The following MRC1 variants were observed in gnomAD, a reference collection of about 807,000 sequenced individuals.
MRC1 encodes the protein mannose receptor C-type 1, also known as macrophage mannose receptor 1.
In MRC1, 62 loss-of-function variants were observed where a neutral mutation model predicts 102.9. The ratio of observed to expected loss-of-function variants is 0.60; its 90% CI spans 0.49 to 0.74. The LOEUF (loss-of-function observed/expected upper bound fraction) is 0.74, where lower values mean the gene tolerates loss of function less well. Ranked by LOEUF, MRC1 falls within the 30% of genes least tolerant of loss-of-function variation. The probability of loss-of-function intolerance (pLI) is 0.00; values close to 1 mark genes in which losing one functional copy is unlikely to be tolerated. For missense variants in MRC1, 1,237 were observed against 862.8 expected (o/e 1.43, Z -5.43); for synonymous variants, 457 against 298.4 (o/e 1.53, Z -5.48).
chr10:17,813,478 A>G lies in MRC1; in HGVS notation c.61+3952A>G, dbSNP rs1346180246. ...TATAAATGTATGTCTTATGGTAAAT[A>G]TTGATTCTTCAGTGTATTTTTTCAC... On this transcript the variant is annotated intron_variant, in intron 1 of 29. Coordinates refer to ENST00000569591, the MANE Select transcript of MRC1 (RefSeq NM_002438.4). 2.6e-5 allele frequency among the ~76,000 whole-genome samples: 4 copies of G among 151,998 alleles called. No homozygotes were observed. In the East Asian group the frequency reaches 7.7e-4, roughly 29 times the overall value.
chr10:17,876,206 ATTG>A (rs1291310593), intron 17 of MRC1, among the ~76,000 whole-genome samples: 6 of 150,782 alleles, frequency 4.0e-5, no homozygotes, highest in African/African-American at 1.5e-4. Flanking sequence ...GTTATGCCCT[ATTG>A]TTTAAATATT....
chr10:17,833,561 G>GGAAA, intron 3 of MRC1, 114 bp from the exon 4 acceptor site: 1 of 719,326 alleles, frequency 1.4e-6, no homozygotes, highest in South Asian at 1.6e-5. Flanking sequence ...AAAAAAGAAA[G>GGAAA]GAAAGAAAGA....
intron 3 of MRC1, among the ~76,000 whole-genome samples, chr10:17,830,203 C>A (rs1838547742): frequency 6.6e-6 from 1 of 151,262 alleles, no homozygotes; most frequent in Non-Finnish European, 1.5e-5. Context: ...ATGATCTTGG[C>A]TCACCACAAC....
Position 17,845,404 on chromosome 10 carries a change from C to A in MRC1, c.1032C>A (p.Asn344Lys). Residue 344 changes from asparagine (N) to lysine (K), a missense_variant, in exon 6 of 30, where the codon AAC becomes AAA. Asn to Lys is a moderately conservative substitution (Grantham distance 94, BLOSUM62 0). Coordinates refer to ENST00000569591, the MANE Select transcript of MRC1 (RefSeq NM_002438.4). ...QKLGYICKKG[N>K]TTLNSFVIPS... The stretch of plus-strand genomic sequence containing the variant: ...TGGGCTATATTTGCAAAAAGGGCAA[C>A]ACCACTTTAAATTCTTTTGTTATTC... The A allele has an allele frequency of 3.8e-6, 3 of 780,840 alleles. No individual in the cohort carries two copies. In the South Asian group the frequency reaches 4.0e-5, roughly 10 times the overall value. 48.4% of individuals were successfully genotyped at this position (780,840 alleles called of 1,614,324 possible).
At chr10:17,860,626 T>C (rs1169627689) in intron 9 of MRC1, among the ~76,000 whole-genome samples, 2 of 152,162 alleles carry the variant, frequency 1.3e-5, no homozygotes, top group Non-Finnish European at 2.9e-5. Context: ...TGCTGAATCA[T>C]ACTGCCTGAA....
At chr10:17,871,454 G>A (rs909322136) in intron 14 of MRC1, among the ~76,000 whole-genome samples, 1 of 152,270 alleles carries the variant, frequency 6.6e-6, no homozygotes, top group Admixed American at 6.5e-5. Flanking sequence ...CTCCATAGAG[G>A]ACCTAGACCC....
Position 17,910,616 on chromosome 10 carries a change from T to C in MRC1, c.*151T>C. ...TTTGCCTAATTGAAGAAATAATTGC[T>C]TGTTTTCTAGCCTGGCAAGATATTT... On this transcript the variant is annotated 3_prime_UTR_variant, in exon 30 of 30. Coordinates refer to ENST00000569591, the MANE Select transcript of MRC1 (RefSeq NM_002438.4). 2.8e-6 allele frequency: 2 copies of C among 705,498 alleles called. No individual in the cohort carries two copies. Among genetic ancestry groups the C allele is most frequent in the Admixed American group, 2.1e-5 (1 of 46,924 alleles). 43.7% of individuals were successfully genotyped at this position (705,498 alleles called of 1,614,324 possible).
intron 1 of MRC1, among the ~76,000 whole-genome samples, chr10:17,810,755 A>G (rs1838208676): frequency 6.6e-6 from 1 of 152,222 alleles, no homozygotes; most frequent in South Asian, 2.1e-4. Flanking sequence ...GCAGAAAAGA[A>G]GTACATAAAA....
intron 9 of MRC1, among the ~76,000 whole-genome samples, chr10:17,860,186 A>T (rs1397250782): frequency 6.6e-6 from 1 of 152,108 alleles, no homozygotes; most frequent in East Asian, 1.9e-4. Context: ...ATTCTACTAA[A>T]TTCGGGTACC....
intron 26 of MRC1, 121 bp from the exon 27 acceptor site, chr10:17,906,765 C>A (rs1833901384): frequency 1.3e-6 from 1 of 754,142 alleles, no homozygotes; most frequent in South Asian, 1.4e-5. Context: ...CTTTGAAATT[C>A]TTCCCCTTAA....
intron 10 of MRC1, among the ~76,000 whole-genome samples, chr10:17,862,461 T>C (rs927469976): frequency 5.3e-5 from 8 of 152,198 alleles, no homozygotes; most frequent in Non-Finnish European, 8.8e-5. Flanking sequence ...GCACTATAAT[T>C]GATCTTTTGG....
At chr10:17,831,977 C>G (rs1380438163) in intron 3 of MRC1, among the ~76,000 whole-genome samples, 1 of 151,604 alleles carries the variant, frequency 6.6e-6, no homozygotes, top group Non-Finnish European at 1.5e-5. Context: ...AAGTTACAAG[C>G]AACATTTGCT....
intron 24 of MRC1, among the ~76,000 whole-genome samples, chr10:17,899,369 G>A (rs976016998): frequency 2.4e-4 from 37 of 152,122 alleles, no homozygotes; most frequent in Non-Finnish European, 4.1e-4. Context: ...ACATGTTCAC[G>A]ATTCTCTTAT....
At chr10:17,899,925 C>T (rs2130716353) in intron 24 of MRC1, among the ~76,000 whole-genome samples, 1 of 151,800 alleles carries the variant, frequency 6.6e-6, no homozygotes, top group Middle Eastern at 3.4e-3. Flanking sequence ...ATGGTGAAAA[C>T]CCGTCTCTAC....
In MRC1 at chr10:17,821,419, C is replaced by T. The variant is rs1589164434; in HGVS notation, c.62-1655C>T. On this transcript the variant is annotated intron_variant, in intron 1 of 29. Transcript: ENST00000569591. Reference sequence around the variant, plus strand: ...ACCACCTTTACCCAAAAATATACTGCAGTGGTTAATTTTATGTGTCAACAT... The same window carrying T: ...ACCACCTTTACCCAAAAATATACTGTAGTGGTTAATTTTATGTGTCAACAT... Among the ~76,000 whole-genome samples the T allele has an allele frequency of 6.6e-5, 10 of 152,252 alleles. No individual in the cohort carries two copies. In the South Asian group the frequency reaches 1.9e-3, roughly 28 times the overall value.
At chr10:17,839,347 G>A (rs904787108) in intron 4 of MRC1, among the ~76,000 whole-genome samples, 14 of 152,096 alleles carry the variant, frequency 9.2e-5, no homozygotes, top group East Asian at 3.9e-4. Flanking sequence ...ACTTATTTTC[G>A]TAATTAAGTT....
intron 8 of MRC1, among the ~76,000 whole-genome samples, chr10:17,853,419 A>G (rs1833014890): frequency 6.6e-6 from 1 of 150,552 alleles, no homozygotes; most frequent in Non-Finnish European, 1.5e-5. Flanking sequence ...ACATGGCCAT[A>G]TATATAGTGC....
rs1465078104 is a variant in MRC1 at position 17,842,551 on chromosome 10, T to C, written c.916+1745T>C. Among the ~76,000 whole-genome samples the C allele has an allele frequency of 3.3e-5, 5 of 152,182 alleles. No individual in the cohort carries two copies. The East Asian group carries it at 9.6e-4, about 29-fold the overall frequency. On this transcript the variant is annotated intron_variant, in intron 5 of 29. Transcript: ENST00000569591. ...AAGACTTACTGCAAGGGAATACATA[T>C]AAAATATCCTTTTTTGTGCGTGAAA...
rs1047822963 is a variant in MRC1 at position 17,854,108 on chromosome 10, G to A, written c.1407+984G>A. ...TGTGACTAAAGGTGCGTGCCACCAC[G>A]CCTGGCTAATTTTTTGTATTTTTGG... is the stretch of plus-strand genomic sequence containing the variant. On this transcript the variant is annotated intron_variant, in intron 8 of 29. Transcript: ENST00000569591. 5.3e-5 allele frequency among the ~76,000 whole-genome samples: 8 copies of A among 152,216 alleles called. No individual in the cohort carries two copies. The East Asian group carries it at 9.7e-4, about 18-fold the overall frequency.
Sources: gnomAD v4.1 joint callset for allele counts (sites outside exome capture counted in the v4.1 genomes callset) on GRCh38, gnomAD v4.1.1 for gene constraint, MANE v1.5 for transcripts, NCBI Gene and HGNC (gene_info 2026-07-23, HGNC 2026-07-21) for gene names.